Variants in PTPN2 observed in about 807,000 individuals in gnomAD.
PTPN2 encodes the protein protein tyrosine phosphatase non-receptor type 2, also known as tyrosine-protein phosphatase non-receptor type 2.
In PTPN2, 19 loss-of-function variants were observed where a neutral mutation model predicts 57.3. The observed-to-expected ratio is 0.33, with a 90% CI of 0.23 to 0.49. The LOEUF is 0.49. Ranked by LOEUF, PTPN2 falls within the 20% of genes least tolerant of loss-of-function variation. The probability of loss-of-function intolerance (pLI) is 0.99; values close to 1 mark genes in which losing one functional copy is unlikely to be tolerated. For synonymous variants in PTPN2, 153 were observed against 164.9 expected (o/e 0.93, Z 0.55); for missense variants, 358 against 501.1 (o/e 0.71, Z 2.73).
rs114246330 is a variant in PTPN2, at chr18:12,806,235, T to A, written c.859-4084A>T. On this transcript the variant is annotated intron_variant, in intron 7 of 8. Coordinates refer to ENST00000309660, the MANE Select transcript of PTPN2 (RefSeq NM_002828.4). ...CAATTCCATTTTCAAAAAAATTACC[T>A]AGGAATAAATTTAACCAAGGAGGTG... 5.5e-3 allele frequency among the ~76,000 whole-genome samples: 840 copies of A among 152,148 alleles called. 9 individuals are homozygous for A. Among genetic ancestry groups the A allele is most frequent in the African/African-American group, 0.019 (805 of 41,508 alleles).
chr18:12,801,894 T>C (rs1220297211), intron 8 of PTPN2, 76 bp downstream of exon 8: 8 of 1,309,104 alleles, frequency 6.1e-6, no homozygotes, highest in Non-Finnish European at 6.3e-6. Flanking sequence ...TGAAATCCTA[T>C]GGCACCTGGT....
rs1179731561 is a variant in PTPN2 at position 12,870,681 on chromosome 18, T to C, written c.70-11427A>G. ...CCGCAACCACGCCCGGCTACTTTTTTTGTGTTTTTAGTAGAGACGGGGTTT... is the reference window on the plus strand; with the variant it reads ...CCGCAACCACGCCCGGCTACTTTTTCTGTGTTTTTAGTAGAGACGGGGTTT... On this transcript the variant is annotated intron_variant, in intron 1 of 8. Coordinates refer to ENST00000309660, the MANE Select transcript of PTPN2 (RefSeq NM_002828.4). Among the ~76,000 whole-genome samples the C allele has an allele frequency of 2.0e-5, 3 of 150,810 alleles. No homozygotes were observed. In the East Asian group the frequency reaches 5.9e-4, roughly 30 times the overall value.
intron 5 of PTPN2, chr18:12,819,211 T>C (rs1483372954): frequency 5.8e-6 from 8 of 1,378,568 alleles, no homozygotes; most frequent in Non-Finnish European, 7.8e-6. Flanking sequence ...AAAAAGTACA[T>C]ACTTTTAGTG....
intron 1 of PTPN2, among the ~76,000 whole-genome samples, chr18:12,881,551 A>T (rs921142533): frequency 2.6e-5 from 4 of 152,196 alleles, no homozygotes; most frequent in Non-Finnish European, 4.4e-5. Context: ...ACTCTCCAGC[A>T]TCTCAACTTC....
At chr18:12,862,961 A>G (rs1392796213) in intron 1 of PTPN2, among the ~76,000 whole-genome samples, 1 of 152,034 alleles carries the variant, frequency 6.6e-6, no homozygotes, top group Non-Finnish European at 1.5e-5. Context: ...TAGATCTGAC[A>G]CTGATGAGGC....
chr18:12,840,229 G>A (rs562879425), intron 2 of PTPN2, among the ~76,000 whole-genome samples: 197 of 152,258 alleles, frequency 1.3e-3, no homozygotes, highest in African/African-American at 4.7e-3. Context: ...AAACAGTGAT[G>A]TCCAAGAACT....
At chr18:12,870,298 T>TACAC (rs199522731) in intron 1 of PTPN2, among the ~76,000 whole-genome samples, 3 of 90,848 alleles carry the variant, frequency 3.3e-5, no homozygotes, top group South Asian at 3.1e-4. Context: ...TACATATATA[T>TACAC]GTGTATATAT....
intron 7 of PTPN2, among the ~76,000 whole-genome samples, chr18:12,813,021 TA>T (rs35939490): frequency 0.67 from 98,649 of 147,058 alleles, 33,367 homozygotes; most frequent in Non-Finnish European, 0.74. Context: ...ACACAAAACT[TA>T]AAAAAAAAAA....
intron 2 of PTPN2, among the ~76,000 whole-genome samples, chr18:12,856,558 T>C (rs2145464794): frequency 6.6e-6 from 1 of 152,208 alleles, no homozygotes; most frequent in Middle Eastern, 3.4e-3. Context: ...TGAGAAGGCA[T>C]ACAGGAAGAG....
intron 2 of PTPN2, among the ~76,000 whole-genome samples, chr18:12,838,968 A>G (rs2042959109): frequency 6.6e-6 from 1 of 151,844 alleles, no homozygotes; most frequent in Non-Finnish European, 1.5e-5. Flanking sequence ...TAAATTTAAA[A>G]TACATTAAAA....
chr18:12,815,843 G>C (rs2042057297), intron 6 of PTPN2, among the ~76,000 whole-genome samples: 1 of 152,150 alleles, frequency 6.6e-6, no homozygotes, highest in Non-Finnish European at 1.5e-5. Flanking sequence ...CCTTGTGTGT[G>C]TGTTTACAAT....
At chr18:12,836,055 CTGATT>C (rs573838490) in intron 3 of PTPN2, among the ~76,000 whole-genome samples, 191 of 152,226 alleles carry the variant, frequency 1.3e-3, no homozygotes, top group Middle Eastern at 6.8e-3. Flanking sequence ...ATAAGTCATT[CTGATT>C]TAAGTTATGT....
chr18:12,827,337 C>T (rs1349810591), intron 4 of PTPN2, among the ~76,000 whole-genome samples: 14 of 127,852 alleles, frequency 1.1e-4, no homozygotes, highest in African/African-American at 2.3e-4. Context: ...AGCGAGACTC[C>T]GTCTCAAAAA....
intron 2 of PTPN2, among the ~76,000 whole-genome samples, chr18:12,844,326 C>G (rs535402045): frequency 2.6e-5 from 4 of 152,310 alleles, no homozygotes; most frequent in South Asian, 4.1e-4. Context: ...GTCATATAAG[C>G]TAAGTATACG....
chr18:12,866,481 A>AC (rs2043998798), intron 1 of PTPN2, among the ~76,000 whole-genome samples: 3 of 149,712 alleles, frequency 2.0e-5, no homozygotes, highest in Admixed American at 6.6e-5. Context: ...ACAAAACAAA[A>AC]AAACAGATAC....
downstream of PTPN2, among the ~76,000 whole-genome samples, chr18:12,789,701 A>G (rs968050311): frequency 3.3e-5 from 5 of 152,162 alleles, no homozygotes; most frequent in African/African-American, 4.8e-5. Flanking sequence ...AGATAAACCA[A>G]TGTTTATAGA....
At chr18:12,867,402 A>C (rs1017010819) in intron 1 of PTPN2, among the ~76,000 whole-genome samples, 1 of 152,232 alleles carries the variant, frequency 6.6e-6, no homozygotes, top group Non-Finnish European at 1.5e-5. Context: ...TTCTCAAGAA[A>C]GACTGAAAGT....
intron 4 of PTPN2, among the ~76,000 whole-genome samples, chr18:12,828,679 GTTATC>G (rs2042561729): frequency 6.6e-6 from 1 of 152,128 alleles, no homozygotes; most frequent in Non-Finnish European, 1.5e-5. Context: ...CTTGAAGTAT[GTTATC>G]TTAACATATG....
intron 1 of PTPN2, among the ~76,000 whole-genome samples, chr18:12,873,905 G>A (rs1470999546): frequency 3.4e-5 from 5 of 148,206 alleles, no homozygotes; most frequent in East Asian, 1.9e-4. Flanking sequence ...CCGCCGCCCC[G>A]TCTGGGATGT....
Sources: allele counts gnomAD v4.1 joint callset (sites outside exome capture counted in the v4.1 genomes callset), GRCh38; gene constraint gnomAD v4.1.1; transcripts MANE v1.5; gene names NCBI Gene and HGNC (gene_info 2026-07-23, HGNC 2026-07-21).